Variants in EXT1 observed in about 807,000 individuals in gnomAD.
EXT1 encodes the protein exostosin-1.
A neutral mutation model predicts 82.5 loss-of-function variants in EXT1; 20 were observed. The ratio of observed to expected loss-of-function variants is 0.24; its 90% CI spans 0.17 to 0.35. The LOEUF is 0.35. Ranked by LOEUF, EXT1 falls within the 10% of genes least tolerant of loss-of-function variation. EXT1 has a pLI of 1.00. For missense variants in EXT1, 757 were observed against 936.5 expected, an observed-to-expected ratio of 0.81 and a Z score of 2.50; for synonymous variants, 348 against 350.8, an observed-to-expected ratio of 0.99 and a Z score of 0.09.
chr8:117,984,044 G>A (rs1815260867), intron 1 of EXT1, among the ~76,000 whole-genome samples: 1 of 152,218 alleles, frequency 6.6e-6, no homozygotes, highest in East Asian at 1.9e-4. Flanking sequence ...AGATTAACAA[G>A]ACAGAGAACT....
At chr8:117,965,993 T>TACACAC (rs35638588) in intron 1 of EXT1, among the ~76,000 whole-genome samples, 64 of 150,596 alleles carry the variant, frequency 4.2e-4, no homozygotes, top group Middle Eastern at 3.4e-3. Flanking sequence ...TACATGCATA[T>TACACAC]ACACACACAC....
At chr8:118,068,404 T>C (rs1416906237) in intron 1 of EXT1, among the ~76,000 whole-genome samples, 6 of 152,202 alleles carry the variant, frequency 3.9e-5, no homozygotes, top group Admixed American at 1.3e-4. Flanking sequence ...CATGGTGGTT[T>C]GCTGCACCTA....
chr8:117,906,401 T>C (rs774677431), intron 1 of EXT1, among the ~76,000 whole-genome samples: 1 of 152,130 alleles, frequency 6.6e-6, no homozygotes, highest in South Asian at 2.1e-4. Flanking sequence ...ACTAAAGTAA[T>C]AGATTTATTT....
At chr8:117,855,965 C>T (rs1334749827) in intron 1 of EXT1, among the ~76,000 whole-genome samples, 2 of 152,124 alleles carry the variant, frequency 1.3e-5, no homozygotes, top group Non-Finnish European at 2.9e-5. Flanking sequence ...CCACCATGCC[C>T]GGCCGCATCT....
At chr8:118,002,435 C>G (rs1212797759) in intron 1 of EXT1, among the ~76,000 whole-genome samples, 4 of 147,994 alleles carry the variant, frequency 2.7e-5, no homozygotes, top group Non-Finnish European at 4.5e-5. Flanking sequence ...TCTTTAATTT[C>G]CAACAAGCCC....
chr8:117,974,337 C>T (rs1355010247), intron 1 of EXT1, among the ~76,000 whole-genome samples: 2 of 152,146 alleles, frequency 1.3e-5, no homozygotes, highest in Admixed American at 1.3e-4. Context: ...TCTCTGGGAT[C>T]CCCCTCCTGC....
chr8:117,889,579 T>C (rs1028061200), intron 1 of EXT1, among the ~76,000 whole-genome samples: 13 of 152,306 alleles, frequency 8.5e-5, no homozygotes, highest in African/African-American at 2.9e-4. Flanking sequence ...AAGATATGTG[T>C]TTTACCTCCA....
At chr8:118,007,093 C>T (rs1472146398) in intron 1 of EXT1, among the ~76,000 whole-genome samples, 2 of 152,088 alleles carry the variant, frequency 1.3e-5, no homozygotes, top group Non-Finnish European at 2.9e-5. Context: ...GTCAGGAGAT[C>T]GAGACCATCT....
chr8:118,109,477 G>A (rs1817854449), intron 1 of EXT1, among the ~76,000 whole-genome samples: 1 of 151,362 alleles, frequency 6.6e-6, no homozygotes, highest in South Asian at 2.1e-4. Context: ...AAAGCCACAG[G>A]CCCAACAAGT....
At chr8:117,855,102 C>T (rs1812519374) in intron 1 of EXT1, among the ~76,000 whole-genome samples, 1 of 152,168 alleles carries the variant, frequency 6.6e-6, no homozygotes, top group Non-Finnish European at 1.5e-5. Context: ...TAAGATAAAG[C>T]AGTCATATCC....
intron 1 of EXT1, among the ~76,000 whole-genome samples, chr8:117,984,428 C>CAAAA (rs1464019595): frequency 2.0e-5 from 2 of 102,352 alleles, no homozygotes; most frequent in African/African-American, 4.1e-5. Flanking sequence ...AACTCCGTCT[C>CAAAA]AAAAACAAAA....
intron 1 of EXT1, among the ~76,000 whole-genome samples, chr8:117,901,481 C>T (rs1023363713): frequency 6.6e-6 from 1 of 152,098 alleles, no homozygotes; most frequent in African/African-American, 2.4e-5. Context: ...ACGCAAAGGC[C>T]TAGGGCATGA....
chr8:117,918,142 G>A (rs1380286461), intron 1 of EXT1, among the ~76,000 whole-genome samples: 3 of 152,130 alleles, frequency 2.0e-5, no homozygotes, highest in Non-Finnish European at 2.9e-5. Context: ...CAAAAGAGAC[G>A]TCACTACACT....
At chr8:117,983,721 T>C (rs1343228815) in intron 1 of EXT1, among the ~76,000 whole-genome samples, 1 of 152,242 alleles carries the variant, frequency 6.6e-6, no homozygotes, top group Non-Finnish European at 1.5e-5. Flanking sequence ...TGAATTAATG[T>C]ATATGTGTTT....
chr8:118,091,339 A>G (rs183525394), intron 1 of EXT1, among the ~76,000 whole-genome samples: 1 of 152,232 alleles, frequency 6.6e-6, no homozygotes, highest in East Asian at 1.9e-4. Flanking sequence ...CTCTAATTTC[A>G]CTCCTACTAT....
intron 1 of EXT1, among the ~76,000 whole-genome samples, chr8:118,030,230 C>T (rs1816282172): frequency 6.6e-6 from 1 of 150,528 alleles, no homozygotes; most frequent in Non-Finnish European, 1.5e-5. Context: ...ACTATGTTTT[C>T]CCATACTTAG....
intron 1 of EXT1, among the ~76,000 whole-genome samples, chr8:118,023,141 T>C (rs1408145365): frequency 6.6e-6 from 1 of 152,208 alleles, no homozygotes; most frequent in Non-Finnish European, 1.5e-5. Context: ...AATAGTTTCA[T>C]CACTTAGGAT....
At chr8:117,946,644 G>A (rs7823796) in intron 1 of EXT1, among the ~76,000 whole-genome samples, 2,007 of 152,160 alleles carry the variant, frequency 0.013, 38 homozygotes, top group East Asian at 0.041. Flanking sequence ...TCCTATACAC[G>A]AGGACCAGTC....
rs1025184498 is a variant in EXT1 at position 117,974,268 on chromosome 8, T to C, written c.962+135817A>G. The stretch of plus-strand genomic sequence containing the variant: ...ACTAAGAAGAGATCAATTCAAAATA[T>C]ACAACTGAAGGCAAAAGAATTAACT... On this transcript the variant is annotated intron_variant, in intron 1 of 10. Coordinates refer to ENST00000378204, the MANE Select transcript of EXT1 (RefSeq NM_000127.3). 9.2e-5 allele frequency among the ~76,000 whole-genome samples: 14 copies of C among 152,310 alleles called. No individual in the cohort carries two copies. The South Asian group carries it at 2.5e-3, about 27-fold the overall frequency.
Sources: allele counts gnomAD v4.1 joint callset (sites outside exome capture counted in the v4.1 genomes callset), GRCh38; gene constraint gnomAD v4.1.1; transcripts MANE v1.5; gene names NCBI Gene and HGNC (gene_info 2026-07-23, HGNC 2026-07-21).